Variants in GOLGA8A observed in about 807,000 individuals in gnomAD.
GOLGA8A encodes golgin subfamily A member 8A.
GOLGA8A carries 3 observed loss-of-function variants against 22.1 expected under a neutral mutation model. The ratio of observed to expected loss-of-function variants is 0.14; its 90% CI spans 0.06 to 0.35. The LOEUF (loss-of-function observed/expected upper bound fraction) is 0.35. Ranked by LOEUF, GOLGA8A falls within the 10% of genes least tolerant of loss-of-function variation. GOLGA8A has a pLI of 1.00. For synonymous variants in GOLGA8A, 7 were observed against 91.7 expected, an observed-to-expected ratio of 0.08 and a Z score of 5.28; for missense variants, 16 against 233.2, an observed-to-expected ratio of 0.07 and a Z score of 6.07.
In GOLGA8A at chr15:34,381,528, T is replaced by C. The variant is rs1404064754; in HGVS notation, c.1695A>G (p.Ala565=). 1.9e-6 allele frequency: 3 copies of C among 1,612,578 alleles called. No individual in the cohort carries two copies. The African/African-American group carries it at 4.0e-5, about 22-fold the overall frequency. Residue 565 remains alanine (A), a synonymous_variant, in exon 25 of 25, where the codon GCA becomes GCG. Coordinates refer to ENST00000359187, the MANE Select transcript of GOLGA8A (RefSeq NM_181077.5). Reference sequence around the variant, plus strand: ...CACCAAGGAGCTGCACGACTGGCTGTGCAGTAGGGTTGTCCTGGGAAGAAC... The same window carrying C: ...CACCAAGGAGCTGCACGACTGGCTGCGCAGTAGGGTTGTCCTGGGAAGAAC... ...REGSSQDNPT[A]QPVVQLLGEM...
At chr15:34,400,655 G>A (rs1017882804) in intron 6 of GOLGA8A, 57 bp downstream of exon 6, 5 of 144,360 alleles carry the variant, frequency 3.5e-5, no homozygotes, top group Admixed American at 7.0e-5. Flanking sequence ...TGCTTTATTC[G>A]TTACCCCGTA....
rs8631 is a variant in GOLGA8A at position 34,379,382 on chromosome 15, A to G, written c.*2029T>C. 0.077 allele frequency: 11,744 copies of G among 152,590 alleles called. 733 individuals are homozygous for G. The highest frequency in any genetic ancestry group is 0.23 in the South Asian group (1,127 of 4,822). The allele number at this position is 152,590 out of a possible 1,614,324, so 9.5% of individuals were successfully genotyped here. On this transcript the variant is annotated 3_prime_UTR_variant, in exon 25 of 25. Transcript: ENST00000359187. ...TATATTATTTTAAAATGACTCTTTA[A>G]GATACAGTTTTAAACCCATGGGCTA...
chr15:34,420,361 T>C (rs905645956), intron 2 of GOLGA8A: 1 of 146,850 alleles, frequency 6.8e-6, no homozygotes, highest in African/African-American at 2.5e-5. Flanking sequence ...GCAGGGAAGA[T>C]GGCCCAAGCC....
At chr15:34,418,130 T>TTTAAA (rs756695001) in intron 2 of GOLGA8A, 2 of 62,776 alleles carry the variant, frequency 3.2e-5, no homozygotes, top group African/African-American at 1.1e-4. Flanking sequence ...GTAGATTCTT[T>TTTAAA]AAAAAAAAAA....
intron 2 of GOLGA8A, among the ~76,000 whole-genome samples, chr15:34,431,291 TTATATATATATATATATATAC>T (rs1893220440): frequency 8.9e-6 from 1 of 112,136 alleles, no homozygotes; most frequent in East Asian, 2.5e-4. Context: ...TGAAAAAAAA[TTATATATATATATATATATAC>T]ATATATATAT....
At chr15:34,397,979 C>CT (rs1891925854) in intron 8 of GOLGA8A, among the ~76,000 whole-genome samples, 1 of 132,006 alleles carries the variant, frequency 7.6e-6, no homozygotes, top group Admixed American at 7.7e-5. Flanking sequence ...ACAAGCTGCC[C>CT]TAAAGGCTGT....
At chr15:34,410,768 T>C (rs1302455858) in intron 2 of GOLGA8A, among the ~76,000 whole-genome samples, 8 of 92,912 alleles carry the variant, frequency 8.6e-5, no homozygotes, top group Non-Finnish European at 1.7e-4. Context: ...GCGTGGATGC[T>C]CCGGCCACTC....
intron 2 of GOLGA8A, among the ~76,000 whole-genome samples, chr15:34,424,188 C>T (rs1240674713): frequency 1.4e-5 from 2 of 142,474 alleles, no homozygotes; most frequent in African/African-American, 5.2e-5. Flanking sequence ...AAAAAACTCA[C>T]TTAAACTGTC....
At chr15:34,431,292 TATATATATATATATATATAC>T (rs1483839305) in intron 2 of GOLGA8A, among the ~76,000 whole-genome samples, 241 of 5,998 alleles carry the variant, frequency 0.04, 5 homozygotes, top group South Asian at 0.083. Context: ...GAAAAAAAAT[TATATATATATATATATATAC>T]ATATATATAT....
intron 2 of GOLGA8A, among the ~76,000 whole-genome samples, chr15:34,430,899 A>G (rs1296612144): frequency 2.0e-5 from 3 of 149,432 alleles, no homozygotes; most frequent in Non-Finnish European, 4.5e-5. Flanking sequence ...AGTTCCTAAC[A>G]CACGCCTGGC....
chr15:34,385,098 C>CT lies in GOLGA8A; in HGVS notation c.516dup (p.Glu173ArgfsTer23). ...GCGGCGACAGCACAGAGAGACCACT[C>CT]TAACTCTCCTATACGCTGCGATGAA... On this transcript the variant is annotated frameshift_variant, in exon 16 of 25. Transcript: ENST00000359187. LOFTEE classifies it high-confidence loss of function. 4.8e-6 allele frequency: 1 copy of CT among 208,494 alleles called. No homozygotes were observed. Among genetic ancestry groups the CT allele is most frequent in the South Asian group, 2.7e-5 (1 of 36,850 alleles). The allele number at this position is 208,494 out of a possible 1,614,324, so 12.9% of individuals were successfully genotyped here.
At chr15:34,424,614 C>G (rs2554789) in intron 2 of GOLGA8A, among the ~76,000 whole-genome samples, 57,606 of 120,794 alleles carry the variant, frequency 0.48, 9,856 homozygotes, top group East Asian at 0.53. Context: ...GAGAGACGCA[C>G]AAACATGCAT....
rs1893595171 is a variant in GOLGA8A, at chr15:34,437,454, TCGC to T, written c.-1271_-1269del. The T allele has an allele frequency of 1.5e-5, 2 of 131,146 alleles. No homozygotes were observed. Among genetic ancestry groups the T allele is most frequent in the Admixed American group, 1.5e-4 (2 of 13,304 alleles). 8.1% of individuals were successfully genotyped at this position (131,146 alleles called of 1,614,324 possible). On this transcript the variant is annotated 5_prime_UTR_variant, in exon 1 of 25. Transcript: ENST00000359187. ...CGCCGTCCTCGCCGCGCCGCCGTCC[TCGC>T]CGCGCCGCCGTCCTCGCCGCGCCGC...
At chr15:34,435,144 T>C (rs1595673752) in intron 2 of GOLGA8A, among the ~76,000 whole-genome samples, 2 of 148,622 alleles carry the variant, frequency 1.3e-5, no homozygotes, top group South Asian at 4.3e-4. Flanking sequence ...CACGGAGGAG[T>C]GCCGGAGAGG....
At chr15:34,418,130 T>TTAAAAAAAA (rs756695001) in intron 2 of GOLGA8A, 7 of 62,774 alleles carry the variant, frequency 1.1e-4, no homozygotes, top group Non-Finnish European at 1.6e-4. Flanking sequence ...GTAGATTCTT[T>TTAAAAAAAA]AAAAAAAAAA....
At chr15:34,430,381 T>C (rs907833956) in intron 2 of GOLGA8A, among the ~76,000 whole-genome samples, 2 of 149,024 alleles carry the variant, frequency 1.3e-5, no homozygotes, top group Admixed American at 1.4e-4. Flanking sequence ...ATCTTCACAA[T>C]ACATGCACAA....
At chr15:34,436,615 C>T (rs1414179500) in intron 1 of GOLGA8A, among the ~76,000 whole-genome samples, 1 of 150,130 alleles carries the variant, frequency 6.7e-6, no homozygotes, top group Non-Finnish European at 1.5e-5. Context: ...CCTCCCTCCG[C>T]GTCGGCCCGG....
rs1427961247 is a variant in GOLGA8A at position 34,431,574 on chromosome 15, T to C, written c.-1123+3809A>G. 1.3e-4 allele frequency among the ~76,000 whole-genome samples: 19 copies of C among 147,084 alleles called. 2 individuals carry two copies. The Admixed American group carries it at 1.3e-3, about 10-fold the overall frequency. ...TCCTAGGCTGCAAAGCTAGGCAGCA[T>C]GTTACTGTGCTGAATGTGTGTATCT... On this transcript the variant is annotated intron_variant, in intron 2 of 24. Coordinates refer to ENST00000359187, the MANE Select transcript of GOLGA8A (RefSeq NM_181077.5).
intron 2 of GOLGA8A, chr15:34,428,475 C>G (rs1893079472): frequency 6.7e-6 from 1 of 149,028 alleles, no homozygotes; most frequent in African/African-American, 2.5e-5. Flanking sequence ...GCAGCCTCAG[C>G]CAGCATCCAG....
Sources: allele counts gnomAD v4.1 joint callset (sites outside exome capture counted in the v4.1 genomes callset), GRCh38; gene constraint gnomAD v4.1.1; transcripts MANE v1.5; gene names NCBI Gene and HGNC (gene_info 2026-07-23, HGNC 2026-07-21).